The following CYP11B2 variants were observed in gnomAD, a reference collection of about 807,000 sequenced individuals.
The protein encoded by CYP11B2 is cytochrome P450 11B2, mitochondrial.
Under a neutral mutation model 49.3 loss-of-function variants are expected in CYP11B2, and 38 were observed. The ratio of observed to expected loss-of-function variants is 0.77; its 90% confidence interval spans 0.59 to 1.01. The LOEUF (loss-of-function observed/expected upper bound fraction) is 1.01, where lower values mean the gene tolerates loss of function less well. Among genes scored for constraint, CYP11B2 ranks in the 50% least tolerant of loss-of-function variants. CYP11B2 has a pLI of 0.00. For synonymous variants in CYP11B2, 290 were observed against 269.3 expected (o/e 1.08, Z -0.75); for missense variants, 669 against 655.5 (o/e 1.02, Z -0.23).
At position 142,912,595 on chromosome 8, in the gene CYP11B2, A is replaced by G; in HGVS notation, c.1333T>C (p.Phe445Leu). The G allele has an allele frequency of 6.2e-7, 1 of 1,614,192 alleles. No homozygotes were observed. The highest frequency in any genetic ancestry group is 8.5e-7 in the Non-Finnish European group (1 of 1,180,034). The change falls in exon 8 of 9, where the codon TTT becomes CTT. Residue 445 changes from phenylalanine to leucine, a missense_variant. Phe to Leu is a conservative substitution (Grantham distance 22). Transcript: ENST00000323110. ...GRNFHHVPFG[F>L]GMRQCLGRRL... ...CGCCCGAGGCACTGGCGCATGCCAAAGCCAAAGGGCACGTGGTGGAAGTTC... is the reference window on the plus strand; with the variant it reads ...CGCCCGAGGCACTGGCGCATGCCAAGGCCAAAGGGCACGTGGTGGAAGTTC...
At position 142,917,088 on chromosome 8, in the gene CYP11B2, A is replaced by T; in HGVS notation, c.366T>A (p.His122Gln). 6.2e-7 allele frequency: 1 copy of T among 1,614,134 alleles called. No individual in the cohort carries two copies. Among genetic ancestry groups the T allele is most frequent in the Non-Finnish European group, 8.5e-7 (1 of 1,180,014 alleles). The change falls in exon 2 of 9, where the codon CAT becomes CAA. Residue 122 changes from histidine (H) to glutamine (Q), a missense_variant. His to Gln is a conservative substitution (Grantham distance 24, BLOSUM62 0). Coordinates refer to ENST00000323110, the MANE Select transcript of CYP11B2 (RefSeq NM_000498.3). ...AGAACACGCCACATTTGTGCCCACG[A>T]TGTTGTCTGTAGGCCACCCAGGGCT... ...ILEPWVAYRQ[H>Q]RGHKCGVFLL...
intron 7 of CYP11B2, 34 bp downstream of exon 7, chr8:142,912,773 G>A (rs1219612780): frequency 1.2e-6 from 2 of 1,613,446 alleles, no homozygotes; most frequent in Admixed American, 1.7e-5. Context: ...TGGGGAGGGA[G>A]GTTCTCAGCT....
At position 142,913,386 on chromosome 8, in the gene CYP11B2, C is replaced by T. The variant is rs1817576746; in HGVS notation, c.1020G>A (p.Leu340=). Residue 340 remains leucine (L), a synonymous_variant, in exon 6 of 9, where the codon CTG becomes CTA. Transcript: ENST00000323110. ...LARNPDVQQI[L]RQESLAAAAS... is the part of the protein sequence containing the mutation. ...CTGCGGCGGCCAGGCTCTCCTGGCG[C>T]AGGATCTGCTGCACGTCGGGGTTCC... 1.2e-6 allele frequency: 2 copies of T among 1,613,934 alleles called. No homozygotes were observed. Among genetic ancestry groups the T allele is most frequent in the Admixed American group, 1.7e-5 (1 of 60,022 alleles).
chr8:142,916,954 G>A, intron 2 of CYP11B2, 105 bp downstream of exon 2: 1 of 1,527,380 alleles, frequency 6.5e-7, no homozygotes, highest in Non-Finnish European at 8.9e-7. Context: ...GCCCACCACA[G>A]GGGCCCAGGG....
intron 8 of CYP11B2, 60 bp from the exon 9 acceptor site, chr8:142,912,153 T>G: frequency 3.1e-6 from 5 of 1,611,396 alleles, no homozygotes; most frequent in Non-Finnish European, 4.2e-6. Context: ...CTGGGGCAGC[T>G]TCCTCCCATC....
chr8:142,914,047 T>C, intron 5 of CYP11B2: 1 of 674,872 alleles, frequency 1.5e-6, no homozygotes, highest in East Asian at 2.9e-5. Context: ...CCCACACAGG[T>C]AACTGCAAAC....
chr8:142,915,485 AC>A (rs1203101802), intron 2 of CYP11B2, among the ~76,000 whole-genome samples: 3 of 149,548 alleles, frequency 2.0e-5, no homozygotes, highest in Non-Finnish European at 3.0e-5. Context: ...ACAGGTGCTG[AC>A]AGGGTAACTG....
chr8:142,916,755 C>T (rs1403054058), intron 2 of CYP11B2, among the ~76,000 whole-genome samples: 1 of 152,140 alleles, frequency 6.6e-6, no homozygotes, highest in African/African-American at 2.4e-5. Flanking sequence ...GTCCCCAGAC[C>T]GCAAGAGAAA....
At position 142,915,121 on chromosome 8, in the gene CYP11B2, T is replaced by C. The variant is rs1478957766; in HGVS notation, c.520A>G (p.Lys174Glu). The change falls in exon 3 of 9, where the codon AAG becomes GAG. Residue 174 changes from lysine to glutamate, a missense_variant. Lys to Glu is a moderately conservative substitution (Grantham distance 56). Transcript: ENST00000323110. ...VARDFSQALK[K>E]KVLQNARGSL... ...CCCCGGGCGTTCTGCAGCACCTTCT[T>C]CTTCAGGGCCTGGGAGAAGTCCCTG... is the stretch of plus-strand genomic sequence containing the variant. 2 of 1,613,792 alleles carry C rather than the reference T, an allele frequency of 1.2e-6. No homozygotes were observed. The highest frequency in any genetic ancestry group is 1.6e-4 in the Middle Eastern group (1 of 6,062).
chr8:142,916,621 G>A (rs1817650254), intron 2 of CYP11B2: 3 of 392,130 alleles, frequency 7.7e-6, no homozygotes, highest in East Asian at 1.4e-4. Context: ...GGACTGCAGG[G>A]ACCCTGAGCG....
intron 2 of CYP11B2, 130 bp downstream of exon 2, chr8:142,916,929 G>T (rs1284461888): frequency 8.4e-6 from 12 of 1,421,142 alleles, no homozygotes; most frequent in Non-Finnish European, 1.2e-5. Flanking sequence ...TCTGGGCCGG[G>T]TGCTCACCCT....
rs4537 is a variant in CYP11B2, at chr8:142,914,376, T to C, written c.842A>G (p.Asn281Ser). The C allele has an allele frequency of 1.5e-3, 2,466 of 1,612,758 alleles. 44 individuals are homozygous for C. The African/African-American group carries it at 0.029, about 19-fold the overall frequency. The change falls in exon 5 of 9, where the codon AAC becomes AGC. Residue 281 changes from asparagine to serine, a missense_variant. Coordinates refer to ENST00000323110, the MANE Select transcript of CYP11B2 (RefSeq NM_000498.3). ...GATGCCTGTGTAGTGTTGAGGGCGG[T>C]TGAAGGCCAGTTCCTGGTAGATTTT... ...IQKIYQELAF[N>S]RPQHYTGIVA... is the part of the protein sequence containing the mutation.
intron 2 of CYP11B2, 144 bp from the exon 3 acceptor site, chr8:142,915,389 A>G: frequency 1.2e-6 from 1 of 854,348 alleles, no homozygotes; most frequent in East Asian, 2.6e-5. Flanking sequence ...TTTGTGTTCG[A>G]GCTGCAGCCT....
intron 7 of CYP11B2, 40 bp from the exon 8 acceptor site, chr8:142,912,767 G>T: frequency 6.2e-6 from 10 of 1,613,574 alleles, no homozygotes; most frequent in South Asian, 1.1e-5. Flanking sequence ...AATGACTGGG[G>T]AGGGAGGTTC....
Position 142,914,896 on chromosome 8 carries a change from G to C in CYP11B2, c.608C>G (p.Ala203Gly). ...FHYTIEASNL[A>G]LFGERLGLVG... ...CAGGCCCAGCCGCTCTCCAAAAAGA[G>C]CTAAGTTGCTGGCTGCGGGGAGGAT... is the stretch of plus-strand genomic sequence containing the variant. Residue 203 changes from alanine to glycine, a missense_variant, in exon 4 of 9, where the codon GCT (alanine) becomes GGT (glycine). By Grantham distance (60) the Ala-to-Gly change is moderately conservative. Coordinates refer to ENST00000323110, the MANE Select transcript of CYP11B2 (RefSeq NM_000498.3). The C allele has an allele frequency of 1.9e-6, 3 of 1,613,834 alleles. No homozygotes were observed. The highest frequency in any genetic ancestry group is 1.3e-5 in the African/African-American group (1 of 74,812).
intron 5 of CYP11B2, chr8:142,913,974 G>A (rs1817588237): frequency 1.8e-6 from 1 of 565,656 alleles, no homozygotes; most frequent in South Asian, 1.5e-5. Context: ...GCTTTCCAGT[G>A]GGGACAGAGC....
At chr8:142,914,600 C>T (rs1218709164) in intron 4 of CYP11B2, 105 bp downstream of exon 4, 15 of 1,486,398 alleles carry the variant, frequency 1.0e-5, no homozygotes, top group African/African-American at 6.1e-5. Context: ...GAGGAATCCC[C>T]GACCCCTCCC....
Position 142,915,200 on chromosome 8 carries a change from A to T in CYP11B2, c.441T>A (p.Asp147Glu), listed in dbSNP as rs151052374. ...WRFNRLRLNPDVLSPKAVQRF... is the reference protein window; with the variant it reads ...WRFNRLRLNPEVLSPKAVQRF... ...TCTGCACGGCCTTGGGCGACAGCAC[A>T]TCTGGGTTCAGCCGCAATCGGTTGA... Residue 147 changes from aspartate (D) to glutamate (E), a missense_variant, in exon 3 of 9, where the codon GAT becomes GAA. Transcript: ENST00000323110. 1.1e-4 allele frequency: 183 copies of T among 1,613,956 alleles called. No homozygotes were observed. The highest frequency in any genetic ancestry group is 1.6e-4 in the Middle Eastern group (1 of 6,082).
Position 142,917,829 on chromosome 8 carries a change from C to T in CYP11B2, c.12G>A (p.Arg4=). MAL[R]AKAEVCVAAP... is the part of the protein sequence containing the mutation. ...CTGCCACGCACACCTCTGCCTTTGCCCTGAGTGCCATTCCAATGCTCCCTC... is the reference window on the plus strand; with the variant it reads ...CTGCCACGCACACCTCTGCCTTTGCTCTGAGTGCCATTCCAATGCTCCCTC... The change falls in exon 1 of 9, where the codon AGG becomes AGA. Residue 4 remains arginine, a synonymous_variant. Coordinates refer to ENST00000323110, the MANE Select transcript of CYP11B2 (RefSeq NM_000498.3). 6.2e-7 allele frequency: 1 copy of T among 1,614,010 alleles called. No individual in the cohort carries two copies. The highest frequency in any genetic ancestry group is 8.5e-7 in the Non-Finnish European group (1 of 1,180,034).
Sources: gnomAD v4.1 joint callset for allele counts (sites outside exome capture counted in the v4.1 genomes callset) on GRCh38, gnomAD v4.1.1 for gene constraint, MANE v1.5 for transcripts, NCBI Gene and HGNC (gene_info 2026-07-23, HGNC 2026-07-21) for gene names.